Variants in GPHN observed in about 807,000 individuals in gnomAD.
GPHN encodes the protein gephyrin.
Under a neutral mutation model 95.5 loss-of-function variants are expected in GPHN, and 17 were observed. That is an observed-to-expected ratio of 0.18 (90% CI 0.12 to 0.27). The LOEUF is 0.27. Ranked by LOEUF, GPHN falls within the 10% of genes least tolerant of loss-of-function variation. GPHN has a pLI of 1.00. For missense variants in GPHN, 660 were observed against 978.1 expected (o/e 0.67, Z 4.34); for synonymous variants, 320 against 322.5 (o/e 0.99, Z 0.08).
chr14:66,922,860 A>G lies in GPHN; in HGVS notation c.651A>G (p.Glu217=), dbSNP rs1009464001. The change falls in exon 7 of 23, where the codon GAA becomes GAG. Residue 217 remains glutamate, a synonymous_variant. Coordinates refer to ENST00000478722, the MANE Select transcript of GPHN (RefSeq NM_020806.5). ...GAGTTCAATGTGAGGAAGAGGAAGAAGAGAAGAAAGACAGTGGTGTTGCTT... is the reference window on the plus strand; with the variant it reads ...GAGTTCAATGTGAGGAAGAGGAAGAGGAGAAGAAAGACAGTGGTGTTGCTT... ...DKGVQCEEEE[E]EKKDSGVAST... 4 of 1,613,478 alleles carry G rather than the reference A, an allele frequency of 2.5e-6. No individual in the cohort carries two copies. The highest frequency in any genetic ancestry group is 3.3e-5 in the Admixed American group (2 of 59,996).
chr14:67,093,445 C>T (rs2077220558), intron 12 of GPHN, among the ~76,000 whole-genome samples: 1 of 151,982 alleles, frequency 6.6e-6, no homozygotes. Flanking sequence ...CATTTGAATC[C>T]TCTTTCGCTA....
chr14:67,599,091 A>G, the GPHN span, among the ~76,000 whole-genome samples: 3 of 152,224 alleles, frequency 2.0e-5, no homozygotes, highest in African/African-American at 7.2e-5. Flanking sequence ...ATGCTAAATT[A>G]CCATGCTCTG....
the GPHN span, among the ~76,000 whole-genome samples, chr14:67,263,491 TAGGA>T: frequency 1.3e-5 from 2 of 152,206 alleles, no homozygotes; most frequent in African/African-American, 4.8e-5. Context: ...AAGGAAATCT[TAGGA>T]AGGTACCCTT....
chr14:67,479,889 T>C, the GPHN span, among the ~76,000 whole-genome samples: 1 of 152,110 alleles, frequency 6.6e-6, no homozygotes, highest in African/African-American at 2.4e-5. Context: ...AAACCATGCC[T>C]CACAGGTCTC....
chr14:66,757,675 C>CTG (rs2058614013), intron 2 of GPHN, among the ~76,000 whole-genome samples: 1 of 152,212 alleles, frequency 6.6e-6, no homozygotes, highest in Non-Finnish European at 1.5e-5. Context: ...CAGGCGTGAG[C>CTG]CACCACACCT....
the GPHN span, among the ~76,000 whole-genome samples, chr14:67,713,567 T>G: frequency 6.6e-6 from 1 of 152,228 alleles, no homozygotes; most frequent in Non-Finnish European, 1.5e-5. Context: ...TACCAGGCAC[T>G]GATAGGAGAT....
At chr14:67,183,874 A>G (rs931003309), downstream of GPHN, among the ~76,000 whole-genome samples, 6 of 131,064 alleles carry the variant, frequency 4.6e-5, no homozygotes, top group African/African-American at 1.5e-4. Context: ...TTTTTTTTTA[A>G]TAGGGTTTCA....
intron 5 of GPHN, among the ~76,000 whole-genome samples, chr14:66,910,771 T>C (rs1399208577): frequency 6.6e-6 from 1 of 151,974 alleles, no homozygotes; most frequent in African/African-American, 2.4e-5. Flanking sequence ...CAGGAAAGCA[T>C]TCTGATATTT....
chr14:66,619,038 T>G (rs2063172210), intron 1 of GPHN, among the ~76,000 whole-genome samples: 1 of 152,224 alleles, frequency 6.6e-6, no homozygotes, highest in South Asian at 2.1e-4. Flanking sequence ...CATTTTTTTC[T>G]GGCTTCCTTC....
the GPHN span, among the ~76,000 whole-genome samples, chr14:67,251,551 GTTGAA>G: frequency 6.6e-6 from 1 of 151,856 alleles, no homozygotes; most frequent in African/African-American, 2.4e-5. Context: ...AAAAAAAGTA[GTTGAA>G]TTAAAGTGAA....
intron 10 of GPHN, among the ~76,000 whole-genome samples, chr14:67,039,081 C>T (rs913107503): frequency 6.6e-6 from 1 of 152,200 alleles, no homozygotes; most frequent in Non-Finnish European, 1.5e-5. Flanking sequence ...TACTTTTCTA[C>T]TGAAAATCTT....
intron 1 of GPHN, among the ~76,000 whole-genome samples, chr14:66,590,674 C>G (rs1467672526): frequency 6.6e-6 from 1 of 152,048 alleles, no homozygotes; most frequent in Admixed American, 6.6e-5. Flanking sequence ...AGCCTACCAA[C>G]CAAAAAATAC....
chr14:67,546,992 C>A, the GPHN span, among the ~76,000 whole-genome samples: 3 of 152,152 alleles, frequency 2.0e-5, no homozygotes, highest in Non-Finnish European at 2.9e-5. Context: ...GCCTTAACCA[C>A]CTTATAAACA....
chr14:67,506,558 T>C, the GPHN span, among the ~76,000 whole-genome samples: 1 of 151,768 alleles, frequency 6.6e-6, no homozygotes, highest in African/African-American at 2.4e-5. Flanking sequence ...GAATAAGAGG[T>C]GAGGAAAATG....
chr14:67,243,509 T>C, the GPHN span, among the ~76,000 whole-genome samples: 7 of 141,782 alleles, frequency 4.9e-5, no homozygotes, highest in Non-Finnish European at 9.2e-5. Context: ...TTTTTTTTTT[T>C]TGAGACGGAG....
intron 1 of GPHN, among the ~76,000 whole-genome samples, chr14:66,669,556 A>G (rs988499344): frequency 6.6e-6 from 1 of 151,770 alleles, no homozygotes; most frequent in Non-Finnish European, 1.5e-5. Flanking sequence ...CTCAGATGAT[A>G]TTAACTTTAG....
At chr14:67,064,242 T>C (rs2075947226) in intron 11 of GPHN, among the ~76,000 whole-genome samples, 1 of 152,204 alleles carries the variant, frequency 6.6e-6, no homozygotes, top group Admixed American at 6.5e-5. Context: ...CGTTTATTGA[T>C]TTGCATTTTT....
the GPHN span, among the ~76,000 whole-genome samples, chr14:67,238,683 GC>G: frequency 2.6e-5 from 4 of 151,598 alleles, no homozygotes; most frequent in African/African-American, 9.7e-5. Context: ...TCACTCTATT[GC>G]CCAGGCTGGA....
chr14:66,625,108 G>C (rs1004004933), intron 1 of GPHN, among the ~76,000 whole-genome samples: 1 of 151,984 alleles, frequency 6.6e-6, no homozygotes, highest in Non-Finnish European at 1.5e-5. Flanking sequence ...TTGAGGCAGG[G>C]TCTTGCCCTG....
Sources: gnomAD v4.1 joint callset for allele counts (sites outside exome capture counted in the v4.1 genomes callset) on GRCh38, gnomAD v4.1.1 for gene constraint, MANE v1.5 for transcripts, NCBI Gene and HGNC (gene_info 2026-07-23, HGNC 2026-07-21) for gene names.